Variants in HLF observed in about 807,000 individuals in gnomAD.
HLF encodes the protein hepatic leukemia factor.
Under a neutral mutation model 22.6 loss-of-function variants are expected in HLF, and 3 were observed. The ratio of observed to expected loss-of-function variants is 0.13; its 90% CI spans 0.06 to 0.34. The LOEUF is 0.34. Among genes scored for constraint, HLF ranks in the 10% least tolerant of loss-of-function variants. HLF has a pLI of 1.00. For synonymous variants in HLF, 151 were observed against 151.8 expected, an observed-to-expected ratio of 0.99 and a Z score of 0.04; for missense variants, 299 against 389.2, an observed-to-expected ratio of 0.77 and a Z score of 1.95.
At chr17:55,276,499 C>T (rs1434708275) in intron 2 of HLF, among the ~76,000 whole-genome samples, 4 of 152,180 alleles carry the variant, frequency 2.6e-5, no homozygotes. Flanking sequence ...GGCAAAGGTG[C>T]CTGGGGCGAG....
chr17:55,300,871 T>C (rs1252003771), intron 2 of HLF, among the ~76,000 whole-genome samples: 1 of 152,224 alleles, frequency 6.6e-6, no homozygotes, highest in Non-Finnish European at 1.5e-5. Flanking sequence ...CCCCGTTCTC[T>C]TGAGGATAGA....
intron 2 of HLF, among the ~76,000 whole-genome samples, chr17:55,275,732 T>C (rs976822302): frequency 2.6e-5 from 4 of 152,226 alleles, no homozygotes; most frequent in Non-Finnish European, 5.9e-5. Flanking sequence ...TTGTGAGCTT[T>C]CTAAAGCTAC....
rs1053621988 is a variant in HLF at position 55,265,338 on chromosome 17, T to C, written c.-147T>C. The C allele has an allele frequency of 8.3e-6, 5 of 603,256 alleles. No homozygotes were observed. Among genetic ancestry groups the C allele is most frequent in the African/African-American group, 5.7e-5 (3 of 52,662 alleles). The allele number at this position is 603,256 out of a possible 1,614,324, so 37.4% of individuals were successfully genotyped here. A position where few individuals can be genotyped will look rare whatever the true frequency, so the allele number is the denominator to read the frequency against. ...TTATGCAGATGTATTTATAAAGATA[T>C]AAGTAATTTTTTTCTTCCCTTTTCT... On this transcript the variant is annotated 5_prime_UTR_variant, in exon 1 of 4. Transcript: ENST00000226067.
In HLF at chr17:55,315,217, G is replaced by A. The variant is rs1239026239; in HGVS notation, c.452-10G>A. The A allele has an allele frequency of 1.2e-6, 2 of 1,612,122 alleles. No individual in the cohort carries two copies. On this transcript the variant is annotated splice_polypyrimidine_tract_variant and intron_variant, in intron 2 of 3. Coordinates refer to ENST00000226067, the MANE Select transcript of HLF (RefSeq NM_002126.5). ...GGTGTTCATGAATTAAAACTCCTGT[G>A]TTGTTCCAGGTCAGCTGTTGCCAGC...
Position 55,323,890 on chromosome 17 carries a change from C to A in HLF, c.*3011C>A. On this transcript the variant is annotated 3_prime_UTR_variant, in exon 4 of 4. Transcript: ENST00000226067. ...CATTAACAATGAATCCAAATCATAT[C>A]ATACTGACATCATCTAGACATGATT... 1 of 228,922 alleles carries A rather than the reference C, an allele frequency of 4.4e-6. No individual in the cohort carries two copies. Among genetic ancestry groups the A allele is most frequent in the Non-Finnish European group, 8.7e-6 (1 of 115,344 alleles). The allele number at this position is 228,922 out of a possible 1,614,324, so 14.2% of individuals were successfully genotyped here. A position where few individuals can be genotyped will look rare whatever the true frequency, so the allele number is the denominator to read the frequency against.
chr17:55,315,700 A>G (rs1905038844), intron 3 of HLF, among the ~76,000 whole-genome samples: 1 of 152,200 alleles, frequency 6.6e-6, no homozygotes, highest in South Asian at 2.1e-4. Context: ...TAAACCCATG[A>G]AGGAAACAAA....
At chr17:55,306,762 C>G (rs985847156) in intron 2 of HLF, among the ~76,000 whole-genome samples, 11 of 151,936 alleles carry the variant, frequency 7.2e-5, no homozygotes, top group Non-Finnish European at 1.6e-4. Flanking sequence ...TTCTTTCTCC[C>G]CCTCCCTTTT....
chr17:55,268,580 T>A (rs1042898279), intron 2 of HLF, among the ~76,000 whole-genome samples: 6 of 151,796 alleles, frequency 4.0e-5, no homozygotes, highest in African/African-American at 1.2e-4. Context: ...AGTAGGGATA[T>A]GGGGCAGGTA....
At chr17:55,282,618 G>A (rs796087056) in intron 2 of HLF, among the ~76,000 whole-genome samples, 5 of 152,310 alleles carry the variant, frequency 3.3e-5, no homozygotes, top group African/African-American at 1.2e-4. Flanking sequence ...CAGTTTGTCA[G>A]CATTAGATGT....
At chr17:55,272,743 T>G (rs183273408) in intron 2 of HLF, 1 of 152,390 alleles carries the variant, frequency 6.6e-6, no homozygotes, top group East Asian at 1.9e-4. Context: ...GATTCTGGGT[T>G]TATGGAAGGT....
Position 55,277,277 on chromosome 17 carries a change from G to GCA in HLF, c.451+9192_451+9193insAC, listed in dbSNP as rs2080913935. Reference sequence around the variant, plus strand: ...TGTGTGTGTGTGTGTGTGTGTGTGCGCGCGCATGTGTACGTGGGCATGCGT... The same window carrying GCA: ...TGTGTGTGTGTGTGTGTGTGTGTGCGCACGCGCATGTGTACGTGGGCATGCGT... On this transcript the variant is annotated intron_variant, in intron 2 of 3. Coordinates refer to ENST00000226067, the MANE Select transcript of HLF (RefSeq NM_002126.5). Among the ~76,000 whole-genome samples the GCA allele has an allele frequency of 2.8e-5, 4 of 143,190 alleles. 1 individual carries two copies. The highest frequency in any genetic ancestry group is 1.1e-4 in the African/African-American group (4 of 36,820). 93.9% of individuals were successfully genotyped at this position (143,190 alleles called of 152,430 possible).
intron 2 of HLF, among the ~76,000 whole-genome samples, chr17:55,287,718 C>T (rs2081018439): frequency 6.6e-6 from 1 of 152,186 alleles, no homozygotes; most frequent in South Asian, 2.1e-4. Flanking sequence ...TTGCATAAAA[C>T]AGGTGAAGGT....
intron 2 of HLF, among the ~76,000 whole-genome samples, chr17:55,304,809 C>T (rs893526368): frequency 2.6e-5 from 4 of 152,192 alleles, no homozygotes; most frequent in Admixed American, 6.5e-5. Context: ...CTGAGGTGGG[C>T]GTCATTTCTC....
At chr17:55,317,638 T>C (rs1397673308) in intron 3 of HLF, among the ~76,000 whole-genome samples, 3 of 151,572 alleles carry the variant, frequency 2.0e-5, no homozygotes, top group African/African-American at 4.9e-5. Context: ...TGAGCTAATA[T>C]AAAGCAGGAA....
rs553542971 is a variant in HLF, at chr17:55,293,064, A to G, written c.452-22163A>G. Among the ~76,000 whole-genome samples the G allele has an allele frequency of 2.6e-5, 4 of 152,338 alleles. No homozygotes were observed. In the East Asian group the frequency reaches 7.7e-4, roughly 29 times the overall value. ...CAAAAACACAGACGAAATAAGTTCA[A>G]GTGTTCAATAGCTACAGTAGGGTGA... On this transcript the variant is annotated intron_variant, in intron 2 of 3. Coordinates refer to ENST00000226067, the MANE Select transcript of HLF (RefSeq NM_002126.5).
Position 55,265,088 on chromosome 17 carries a change from C to A in HLF, c.-397C>A. The A allele has an allele frequency of 5.3e-6, 1 of 189,416 alleles. No individual in the cohort carries two copies. The highest frequency in any genetic ancestry group is 1.9e-4 in the South Asian group (1 of 5,178). The allele number at this position is 189,416 out of a possible 1,614,324, so 11.7% of individuals were successfully genotyped here. A position where few individuals can be genotyped will look rare whatever the true frequency, so the allele number is the denominator to read the frequency against. ...GTGGGGTGGGACGGCGCACCGCCTC[C>A]GGTGCTGGCACTAGGGGCTGGGGTC... is the stretch of plus-strand genomic sequence containing the variant. On this transcript the variant is annotated 5_prime_UTR_variant, in exon 1 of 4. Coordinates refer to ENST00000226067, the MANE Select transcript of HLF (RefSeq NM_002126.5).
chr17:55,306,985 A>G (rs1904600554), intron 2 of HLF, among the ~76,000 whole-genome samples: 1 of 151,260 alleles, frequency 6.6e-6, no homozygotes, highest in South Asian at 2.1e-4. Flanking sequence ...GATCTCAGCT[A>G]GGTTGGTTTA....
intron 2 of HLF, among the ~76,000 whole-genome samples, chr17:55,290,746 AG>A (rs2145331133): frequency 6.6e-6 from 1 of 152,312 alleles, no homozygotes; most frequent in South Asian, 2.1e-4. Flanking sequence ...GAAATGAGTA[AG>A]CTTAATTTTG....
chr17:55,323,301 C>G lies in HLF; in HGVS notation c.*2422C>G, dbSNP rs887926038. 4.7e-6 allele frequency: 1 copy of G among 214,824 alleles called. No homozygotes were observed. The highest frequency in any genetic ancestry group is 9.4e-6 in the Non-Finnish European group (1 of 106,464). The allele number at this position is 214,824 out of a possible 1,614,324, so 13.3% of individuals were successfully genotyped here. A position where few individuals can be genotyped will look rare whatever the true frequency, so the allele number is the denominator to read the frequency against. ...GTTGGCCTTTTTACAGGCAAAGAGG[C>G]GAATTGTAGAATTGTTAGATGGCAA... On this transcript the variant is annotated 3_prime_UTR_variant, in exon 4 of 4. Coordinates refer to ENST00000226067, the MANE Select transcript of HLF (RefSeq NM_002126.5).
Sources: allele counts gnomAD v4.1 joint callset (sites outside exome capture counted in the v4.1 genomes callset), GRCh38; gene constraint gnomAD v4.1.1; transcripts MANE v1.5; gene names NCBI Gene and HGNC (gene_info 2026-07-23, HGNC 2026-07-21).